FGGY: variants seen among roughly 807,000 people sequenced by gnomAD.
FGGY encodes FGGY carbohydrate kinase domain containing, also known as FGGY carbohydrate kinase domain-containing protein.
FGGY carries 72 observed loss-of-function variants against 71.3 expected under a neutral mutation model. The ratio of observed to expected loss-of-function variants is 1.01; its 90% CI spans 0.84 to 1.23. The LOEUF (loss-of-function observed/expected upper bound fraction) is 1.23. Among genes scored for constraint, FGGY ranks in the 50% most tolerant of loss-of-function variants. The pLI is 0.00. For missense variants in FGGY, 668 were observed against 682.3 expected (o/e 0.98, Z 0.23); for synonymous variants, 251 against 250.3 (o/e 1.00, Z -0.02).
chr1:59,364,976 C>A (rs1398998305), intron 4 of FGGY, among the ~76,000 whole-genome samples: 1 of 152,100 alleles, frequency 6.6e-6, no homozygotes, highest in Non-Finnish European at 1.5e-5. Flanking sequence ...GAAGATGACT[C>A]CTTTGGTAAC....
At chr1:59,754,156 A>G (rs2098270385) in intron 14 of FGGY, among the ~76,000 whole-genome samples, 1 of 152,210 alleles carries the variant, frequency 6.6e-6, no homozygotes, top group Non-Finnish European at 1.5e-5. Context: ...TTAGTGGTGT[A>G]GGAAATTTCT....
At chr1:59,590,342 T>C (rs1349370174) in intron 8 of FGGY, among the ~76,000 whole-genome samples, 1 of 152,182 alleles carries the variant, frequency 6.6e-6, no homozygotes, top group Non-Finnish European at 1.5e-5. Context: ...GATTTACAGC[T>C]GAATTCTACC....
intron 8 of FGGY, among the ~76,000 whole-genome samples, chr1:59,599,424 G>T (rs1353185395): frequency 6.6e-6 from 1 of 152,058 alleles, no homozygotes; most frequent in Non-Finnish European, 1.5e-5. Flanking sequence ...GCTGGGTGCA[G>T]TGGCTCATGC....
chr1:59,696,726 G>A (rs916844495), intron 14 of FGGY, among the ~76,000 whole-genome samples: 48 of 152,294 alleles, frequency 3.2e-4, no homozygotes, highest in African/African-American at 1.1e-3. Flanking sequence ...CTGAAATGAC[G>A]AGTGGCTCGC....
chr1:59,418,041 C>T (rs901349788), intron 5 of FGGY, among the ~76,000 whole-genome samples: 1 of 152,114 alleles, frequency 6.6e-6, no homozygotes, highest in South Asian at 2.1e-4. Flanking sequence ...TATGACTTCT[C>T]TAAATAAAAT....
chr1:59,529,706 T>C (rs11207468), intron 7 of FGGY, among the ~76,000 whole-genome samples: 15,294 of 152,240 alleles, frequency 0.1, 1,835 homozygotes, highest in African/African-American at 0.29. Context: ...CCTGGAGGCA[T>C]TGGCAAATCA....
intron 1 of FGGY, among the ~76,000 whole-genome samples, chr1:59,314,284 A>G (rs1003502686): frequency 3.9e-5 from 6 of 152,174 alleles, no homozygotes; most frequent in Non-Finnish European, 8.8e-5. Context: ...AATTTTTTTA[A>G]AAGATGTGGG....
chr1:59,507,855 C>T (rs1570398244), intron 6 of FGGY, among the ~76,000 whole-genome samples: 1 of 151,964 alleles, frequency 6.6e-6, no homozygotes, highest in East Asian at 1.9e-4. Context: ...TCTTAAAAAC[C>T]CAACCTGAGC....
At chr1:59,301,399 A>G (rs2042717200) in intron 1 of FGGY, among the ~76,000 whole-genome samples, 1 of 152,218 alleles carries the variant, frequency 6.6e-6, no homozygotes, top group Admixed American at 6.5e-5. Context: ...TCATCTGTAA[A>G]TAAAGATAGT....
At chr1:59,693,266 G>A (rs145411427) in intron 14 of FGGY, among the ~76,000 whole-genome samples, 1 of 152,364 alleles carries the variant, frequency 6.6e-6, no homozygotes, top group African/African-American at 2.4e-5. Context: ...TGCTTCATCT[G>A]AACGCATCAC....
At chr1:59,603,033 TATA>T (rs1370099521) in intron 8 of FGGY, among the ~76,000 whole-genome samples, 1 of 152,200 alleles carries the variant, frequency 6.6e-6, no homozygotes, top group Non-Finnish European at 1.5e-5. Context: ...TTGAAGTTTT[TATA>T]ATGATATTTA....
chr1:59,758,040 A>T, intron 15 of FGGY, 48 bp downstream of exon 15: 2 of 1,229,366 alleles, frequency 1.6e-6, no homozygotes, highest in Non-Finnish European at 2.4e-6. Context: ...GTGAGCACAT[A>T]CACACACACA....
intron 5 of FGGY, among the ~76,000 whole-genome samples, chr1:59,447,038 C>T (rs747095883): frequency 2.6e-5 from 4 of 152,110 alleles, no homozygotes; most frequent in Non-Finnish European, 5.9e-5. Flanking sequence ...ACTTCATGGT[C>T]TCTGGCTCGG....
chr1:59,448,168 G>A (rs10157112), intron 5 of FGGY, among the ~76,000 whole-genome samples: 2,111 of 152,070 alleles, frequency 0.014, 44 homozygotes, highest in African/African-American at 0.048. Context: ...TTAGATTTTC[G>A]ATGCTGTCAT....
chr1:59,596,717 G>C (rs1211937766), intron 8 of FGGY, among the ~76,000 whole-genome samples: 1 of 151,510 alleles, frequency 6.6e-6, no homozygotes, highest in Non-Finnish European at 1.5e-5. Flanking sequence ...ACCCAGGCCT[G>C]GGAAAGATTC....
intron 7 of FGGY, among the ~76,000 whole-genome samples, chr1:59,549,343 A>C (rs1229789361): frequency 6.6e-6 from 1 of 152,220 alleles, no homozygotes; most frequent in Admixed American, 6.5e-5. Flanking sequence ...ATAATGTTCA[A>C]AACCCTTCTT....
intron 12 of FGGY, among the ~76,000 whole-genome samples, chr1:59,664,460 T>A (rs1351231037): frequency 1.3e-5 from 2 of 152,242 alleles, no homozygotes; most frequent in Non-Finnish European, 2.9e-5. Context: ...TCTTTCCTTT[T>A]CCCAGGAAAT....
intron 7 of FGGY, among the ~76,000 whole-genome samples, chr1:59,546,911 A>C (rs1442190292): frequency 6.6e-6 from 1 of 151,676 alleles, no homozygotes; most frequent in Non-Finnish European, 1.5e-5. Context: ...TTTCAAGGTC[A>C]AAGCAATACT....
intron 4 of FGGY, among the ~76,000 whole-genome samples, chr1:59,377,123 G>A (rs1479446108): frequency 1.3e-5 from 2 of 151,972 alleles, no homozygotes; most frequent in Non-Finnish European, 2.9e-5. Context: ...GCAGCTGAGG[G>A]TCCTCTCAGT....
Sources: gnomAD v4.1 joint callset for allele counts (sites outside exome capture counted in the v4.1 genomes callset) on GRCh38, gnomAD v4.1.1 for gene constraint, MANE v1.5 for transcripts, NCBI Gene and HGNC (gene_info 2026-07-23, HGNC 2026-07-21) for gene names.